Variants in RBPMS observed in about 807,000 individuals in gnomAD.
The protein encoded by RBPMS is RNA-binding protein with multiple splicing.
Under a neutral mutation model 26.8 loss-of-function variants are expected in RBPMS, and 7 were observed. That is an observed-to-expected ratio of 0.26 (90% CI 0.15 to 0.49). RBPMS has a LOEUF of 0.49. RBPMS is among the 20% of genes least tolerant of loss of function. The pLI is 0.98. For missense variants in RBPMS, 186 were observed against 250.0 expected, an observed-to-expected ratio of 0.74 and a Z score of 1.73; for synonymous variants, 96 against 93.3, an observed-to-expected ratio of 1.03 and a Z score of -0.17.
chr8:30,544,772 C>A lies in RBPMS; in HGVS notation c.528+148C>A, dbSNP rs1825730381. On this transcript the variant is annotated intron_variant, in intron 6 of 8. Coordinates refer to ENST00000397323, the MANE Select transcript of RBPMS (RefSeq NM_001008710.3). ...AATGATCCCCTCTAAATCAAGCTGA[C>A]ACTCCTTCAGGACTGACGAGGATCG... 7 of 1,594,602 alleles carry A rather than the reference C, an allele frequency of 4.4e-6. No individual in the cohort carries two copies. In the East Asian group the frequency reaches 1.6e-4, roughly 36 times the overall value.
At chr8:30,500,002 T>C (rs1820383524) in intron 4 of RBPMS, among the ~76,000 whole-genome samples, 1 of 152,188 alleles carries the variant, frequency 6.6e-6, no homozygotes, top group African/African-American at 2.4e-5. Flanking sequence ...TCTGAAATTA[T>C]TTCAGAATAA....
At chr8:30,478,524 G>A (rs28542600) in intron 3 of RBPMS, among the ~76,000 whole-genome samples, 3,440 of 144,536 alleles carry the variant, frequency 0.024, 130 homozygotes, top group African/African-American at 0.083. Flanking sequence ...TTTTTGAGAC[G>A]GAGTCTCACT....
chr8:30,424,657 G>A (rs1278000333), intron 1 of RBPMS, among the ~76,000 whole-genome samples: 1 of 152,170 alleles, frequency 6.6e-6, no homozygotes, highest in Non-Finnish European at 1.5e-5. Context: ...TGCCTACTTC[G>A]TGGAGTTGTG....
intron 1 of RBPMS, among the ~76,000 whole-genome samples, chr8:30,423,868 C>T (rs1811079062): frequency 1.3e-5 from 2 of 151,284 alleles, no homozygotes; most frequent in Non-Finnish European, 2.9e-5. Context: ...GACTGAGTCT[C>T]ACTCTGCCAC....
intron 5 of RBPMS, among the ~76,000 whole-genome samples, chr8:30,542,880 G>GC (rs1825529948): frequency 2.0e-5 from 3 of 152,116 alleles, no homozygotes; most frequent in Admixed American, 1.3e-4. Flanking sequence ...TGGGCTACAG[G>GC]CACCTACACA....
chr8:30,524,241 T>C (rs1366661222), intron 5 of RBPMS, among the ~76,000 whole-genome samples: 4 of 152,318 alleles, frequency 2.6e-5, no homozygotes, highest in Middle Eastern at 3.4e-3. Context: ...GATCTACCAA[T>C]TGCCCATTCC....
intron 4 of RBPMS, among the ~76,000 whole-genome samples, chr8:30,495,444 T>A (rs1819846911): frequency 6.6e-6 from 1 of 152,170 alleles, no homozygotes; most frequent in Non-Finnish European, 1.5e-5. Flanking sequence ...TGGGCACGTA[T>A]ACCACAGGAA....
At chr8:30,460,963 G>A (rs1815814712) in intron 1 of RBPMS, among the ~76,000 whole-genome samples, 1 of 151,888 alleles carries the variant, frequency 6.6e-6, no homozygotes, top group Admixed American at 6.6e-5. Flanking sequence ...AGGTGGGGGA[G>A]GATCTCTTGA....
At chr8:30,446,653 C>T (rs558436968) in intron 1 of RBPMS, among the ~76,000 whole-genome samples, 10 of 152,104 alleles carry the variant, frequency 6.6e-5, no homozygotes, top group African/African-American at 2.4e-4. Context: ...TTTTTTGAGA[C>T]AGGGTTTTGC....
chr8:30,479,279 AT>A (rs755777481), intron 3 of RBPMS, 35 bp from the exon 4 acceptor site: 57 of 1,535,424 alleles, frequency 3.7e-5, no homozygotes, highest in South Asian at 1.5e-4. Flanking sequence ...ACATCATCTG[AT>A]TTTTTTTCTT....
Position 30,385,102 on chromosome 8 carries a change from G to C in RBPMS, c.10G>C (p.Gly4Arg), listed in dbSNP as rs1337586269. 2 of 1,523,742 alleles carry C rather than the reference G, an allele frequency of 1.3e-6. No homozygotes were observed. Among genetic ancestry groups the C allele is most frequent in the East Asian group, 5.4e-5 (2 of 36,832 alleles). 94.4% of individuals were successfully genotyped at this position (1,523,742 alleles called of 1,614,324 possible). The stretch of plus-strand genomic sequence containing the variant: ...AGGAAGGACCGGGAAGATGAACAAC[G>C]GCGGCAAAGCCGAGAAGGAGAACAC... MNNGGKAEKENTPS... is the reference protein window; with the variant it reads MNNRGKAEKENTPS... The change falls in exon 1 of 9, where the codon GGC (glycine) becomes CGC (arginine). Residue 4 changes from glycine (G) to arginine (R), a missense_variant. Gly to Arg is a moderately radical substitution (Grantham distance 125, BLOSUM62 -2). Coordinates refer to ENST00000397323, the MANE Select transcript of RBPMS (RefSeq NM_001008710.3).
At chr8:30,537,573 A>G (rs1395506820) in intron 5 of RBPMS, 4 of 456,302 alleles carry the variant, frequency 8.8e-6, no homozygotes, top group Non-Finnish European at 1.8e-5. Flanking sequence ...TGTCTTTATC[A>G]TCAGTAGGTG....
At chr8:30,569,272 G>A (rs1828105085) in intron 8 of RBPMS, among the ~76,000 whole-genome samples, 2 of 152,232 alleles carry the variant, frequency 1.3e-5, no homozygotes, top group South Asian at 4.1e-4. Flanking sequence ...GTGTCTGAAT[G>A]GAGGGTTTGC....
chr8:30,496,335 AT>A (rs1375425076), intron 4 of RBPMS, among the ~76,000 whole-genome samples: 1 of 151,886 alleles, frequency 6.6e-6, no homozygotes, highest in Non-Finnish European at 1.5e-5. Flanking sequence ...CGCCCGGCTA[AT>A]TTTTTGTATT....
intron 5 of RBPMS, among the ~76,000 whole-genome samples, chr8:30,519,458 CTTTTTT>C: frequency 1.1e-5 from 1 of 89,458 alleles, no homozygotes; most frequent in South Asian, 4.4e-4. Flanking sequence ...GGATCTCTCT[CTTTTTT>C]TTTTTTTTTT....
chr8:30,485,666 C>T (rs1419195309), intron 4 of RBPMS, among the ~76,000 whole-genome samples: 2 of 152,180 alleles, frequency 1.3e-5, no homozygotes, highest in Non-Finnish European at 2.9e-5. Context: ...CACTTTGGAG[C>T]TTGACAAACA....
At chr8:30,551,435 T>C (rs1377127692) in intron 6 of RBPMS, among the ~76,000 whole-genome samples, 1 of 152,172 alleles carries the variant, frequency 6.6e-6, no homozygotes, top group African/African-American at 2.4e-5. Context: ...ACAGTATTAT[T>C]CAGGATTGCC....
intron 5 of RBPMS, among the ~76,000 whole-genome samples, chr8:30,509,990 C>T (rs776821593): frequency 6.6e-6 from 1 of 152,194 alleles, no homozygotes; most frequent in Non-Finnish European, 1.5e-5. Flanking sequence ...AAATGTATCT[C>T]TTTCTGCATT....
chr8:30,492,157 G>T (rs1179717921), intron 4 of RBPMS, among the ~76,000 whole-genome samples: 1 of 152,188 alleles, frequency 6.6e-6, no homozygotes, highest in Non-Finnish European at 1.5e-5. Context: ...CTCCCAAAGT[G>T]CTGACATTAC....
Sources: gnomAD v4.1 joint callset for allele counts (sites outside exome capture counted in the v4.1 genomes callset) on GRCh38, gnomAD v4.1.1 for gene constraint, MANE v1.5 for transcripts, NCBI Gene and HGNC (gene_info 2026-07-23, HGNC 2026-07-21) for gene names.